The following MBNL2 variants were observed in gnomAD, a reference collection of about 807,000 sequenced individuals.
MBNL2 encodes muscleblind like splicing regulator 2, also known as muscleblind-like protein 2.
A neutral mutation model predicts 41.9 loss-of-function variants in MBNL2; 17 were observed. The ratio of observed to expected loss-of-function variants is 0.41; its 90% CI spans 0.28 to 0.61. MBNL2 has a LOEUF of 0.61. MBNL2 is among the 20% of genes least tolerant of loss of function. The probability of loss-of-function intolerance (pLI) is 0.35; values close to 1 mark genes in which losing one functional copy is unlikely to be tolerated. For synonymous variants in MBNL2, 195 were observed against 182.9 expected, an observed-to-expected ratio of 1.07 and a Z score of -0.53; for missense variants, 336 against 505.6, an observed-to-expected ratio of 0.66 and a Z score of 3.22.
chr13:97,180,419 TA>T, the MBNL2 span, among the ~76,000 whole-genome samples: 406 of 152,240 alleles, frequency 2.7e-3, 2 homozygotes, highest in Non-Finnish European at 4.6e-3. Flanking sequence ...TTGATATTTA[TA>T]AAAAATTTAC....
chr13:97,298,323 G>T (rs941445313), intron 2 of MBNL2, among the ~76,000 whole-genome samples: 1 of 152,160 alleles, frequency 6.6e-6, no homozygotes, highest in African/African-American at 2.4e-5. Context: ...TTGAATACAT[G>T]AATAAATCTG....
At chr13:97,381,088 T>A (rs2065411118) in intron 8 of MBNL2, among the ~76,000 whole-genome samples, 2 of 149,000 alleles carry the variant, frequency 1.3e-5, no homozygotes. Context: ...TCCCTCTCTG[T>A]CCCTCTCTTT....
At chr13:97,288,143 C>T (rs1302864581) in intron 2 of MBNL2, among the ~76,000 whole-genome samples, 3 of 151,642 alleles carry the variant, frequency 2.0e-5, no homozygotes, top group African/African-American at 7.3e-5. Context: ...AATGCCTTTA[C>T]TTGGCAAAAA....
At chr13:97,227,339 C>A (rs1288135883) in intron 1 of MBNL2, among the ~76,000 whole-genome samples, 1 of 152,130 alleles carries the variant, frequency 6.6e-6, no homozygotes, top group Non-Finnish European at 1.5e-5. Context: ...CAGGGTGGTA[C>A]ATGACCTCAG....
At chr13:97,340,719 A>C (rs572663187) in intron 3 of MBNL2, among the ~76,000 whole-genome samples, 14 of 152,284 alleles carry the variant, frequency 9.2e-5, no homozygotes, top group African/African-American at 2.9e-4. Flanking sequence ...CTGAGTCTAA[A>C]ATCTATGGTT....
chr13:97,206,627 C>A, the MBNL2 span, among the ~76,000 whole-genome samples: 2 of 152,224 alleles, frequency 1.3e-5, no homozygotes, highest in East Asian at 3.9e-4. Context: ...ATCTTAGGGA[C>A]AGGAGACCCC....
intron 2 of MBNL2, among the ~76,000 whole-genome samples, chr13:97,319,277 G>C (rs1237191648): frequency 6.6e-6 from 1 of 152,184 alleles, no homozygotes; most frequent in African/African-American, 2.4e-5. Flanking sequence ...AGGGCCATGA[G>C]TCAGCATCAG....
chr13:97,327,308 C>A (rs1288393760), intron 2 of MBNL2, among the ~76,000 whole-genome samples: 1 of 152,026 alleles, frequency 6.6e-6, no homozygotes, highest in Non-Finnish European at 1.5e-5. Flanking sequence ...ATACCTGGAC[C>A]ATTGCCAACA....
chr13:97,387,089 A>T (rs2065977083), intron 8 of MBNL2, among the ~76,000 whole-genome samples: 1 of 151,238 alleles, frequency 6.6e-6, no homozygotes. Context: ...GATTTACCAT[A>T]CTAGATTAGC....
At position 97,330,898 on chromosome 13, in the gene MBNL2, C is replaced by T. The variant is rs375486573; in HGVS notation, c.175-3378C>T. On this transcript the variant is annotated intron_variant, in intron 2 of 8. Transcript: ENST00000679496. ...TTTGAATTAGTGTGCCTCAGACATC[C>T]GTGGTGCATAATTCTTCAAAATATT... Among the ~76,000 whole-genome samples, 8 of 152,186 alleles carry T rather than the reference C, an allele frequency of 5.3e-5. No individual in the cohort carries two copies. In the South Asian group the frequency reaches 8.3e-4, roughly 16 times the overall value.
rs2063866158 is a variant in MBNL2 at position 97,366,663 on chromosome 13, T to TTTTATTTTTTTAATTAGTTTATA, written c.1048+1493_1048+1515dup. ...TTTTTTTTCATGTTTATCCATCAAA[T>TTTTATTTTTTTAATTAGTTTATA]TTTATTTTTTTAATTAGTTTATAGC... On this transcript the variant is annotated intron_variant, in intron 8 of 8. Coordinates refer to ENST00000679496, the MANE Select transcript of MBNL2 (RefSeq NM_001382683.1). This position sits in a 1 kb window ranked among gnomAD's most constrained non-coding sequence, Gnocchi z 4.7. 1.3e-6 allele frequency: 1 copy of TTTTATTTTTTTAATTAGTTTATA among 746,810 alleles called. No individual in the cohort carries two copies. Among genetic ancestry groups the TTTTATTTTTTTAATTAGTTTATA allele is most frequent in the Non-Finnish European group, 2.4e-6 (1 of 413,810 alleles). 46.3% of individuals were successfully genotyped at this position (746,810 alleles called of 1,614,324 possible).
rs141347599 is a variant in MBNL2 at position 97,291,404 on chromosome 13, G to A, written c.174+14995G>A. On this transcript the variant is annotated intron_variant, in intron 2 of 8. Transcript: ENST00000679496. ...CTACAGGCATGTGCCACCACACTCAGCTAATTTTTTGTATTTTTAGTAGAG... is the reference window on the plus strand; with the variant it reads ...CTACAGGCATGTGCCACCACACTCAACTAATTTTTTGTATTTTTAGTAGAG... 8.1e-3 allele frequency among the ~76,000 whole-genome samples: 1,232 copies of A among 152,108 alleles called. 18 individuals carry two copies. Among genetic ancestry groups the A allele is most frequent in the African/African-American group, 0.028 (1,182 of 41,486 alleles).
chr13:97,337,576 T>C (rs2060994824), intron 3 of MBNL2, among the ~76,000 whole-genome samples: 1 of 152,158 alleles, frequency 6.6e-6, no homozygotes, highest in Non-Finnish European at 1.5e-5. Flanking sequence ...CCCCCAAAAG[T>C]ATGCATCCAG....
At chr13:97,384,434 C>CTGAAAGATCTCACAAGTGTA (rs1310884967) in intron 8 of MBNL2, among the ~76,000 whole-genome samples, 1 of 152,140 alleles carries the variant, frequency 6.6e-6, no homozygotes, top group Non-Finnish European at 1.5e-5. Context: ...TTTGCTTCAA[C>CTGAAAGATCTCACAAGTGTA]TGAAAGATCT....
intron 7 of MBNL2, 170 bp downstream of exon 7, chr13:97,357,805 A>G (rs1352034096): frequency 9.6e-6 from 7 of 726,708 alleles, no homozygotes; most frequent in Non-Finnish European, 1.7e-5. Flanking sequence ...AATGATAGCT[A>G]AAGACTGTTA....
At chr13:97,232,405 C>T (rs2042508251) in intron 1 of MBNL2, among the ~76,000 whole-genome samples, 1 of 152,178 alleles carries the variant, frequency 6.6e-6, no homozygotes, top group South Asian at 2.1e-4. Flanking sequence ...ACAGAACTAA[C>T]ATTTATTGAA....
intron 1 of MBNL2, among the ~76,000 whole-genome samples, chr13:97,257,655 T>G (rs571509920): frequency 5.9e-5 from 9 of 152,326 alleles, no homozygotes; most frequent in Non-Finnish European, 1.2e-4. Context: ...GCACACACCC[T>G]CTACCTCGTT....
At chr13:97,319,303 A>G (rs1190363275) in intron 2 of MBNL2, among the ~76,000 whole-genome samples, 2 of 152,158 alleles carry the variant, frequency 1.3e-5, no homozygotes, top group African/African-American at 4.8e-5. Context: ...GCAAAGATTC[A>G]GTGTCACTTG....
At chr13:97,181,281 A>G in the MBNL2 span, among the ~76,000 whole-genome samples, 3 of 152,214 alleles carry the variant, frequency 2.0e-5, no homozygotes, top group Admixed American at 6.5e-5. Flanking sequence ...CATATAAGAT[A>G]ATATATTCAC....
Sources: allele counts gnomAD v4.1 joint callset (sites outside exome capture counted in the v4.1 genomes callset), GRCh38; gene constraint gnomAD v4.1.1; non-coding constraint Gnocchi (gnomAD v3.1); transcripts MANE v1.5; gene names NCBI Gene and HGNC (gene_info 2026-07-23, HGNC 2026-07-21).